The following MKRN1 variants were observed in gnomAD, a reference collection of about 807,000 sequenced individuals.
MKRN1 encodes the protein E3 ubiquitin-protein ligase makorin-1.
In MKRN1, 9 loss-of-function variants were observed where a neutral mutation model predicts 55.5. That is an observed-to-expected ratio of 0.16 (90% CI 0.10 to 0.28). The LOEUF (loss-of-function observed/expected upper bound fraction) is 0.28, where lower values mean the gene tolerates loss of function less well. Among genes scored for constraint, MKRN1 ranks in the 10% least tolerant of loss-of-function variants. MKRN1 has a pLI of 1.00. For synonymous variants in MKRN1, 253 were observed against 235.9 expected, an observed-to-expected ratio of 1.07 and a Z score of -0.66; for missense variants, 488 against 626.7, an observed-to-expected ratio of 0.78 and a Z score of 2.36.
intron 1 of MKRN1, chr7:140,473,294 A>G (rs989828664): frequency 2.2e-6 from 1 of 452,632 alleles, no homozygotes; most frequent in Admixed American, 2.4e-5. Flanking sequence ...ATTATTTCTG[A>G]AGTTCCTTCC....
At chr7:140,469,361 T>C (rs902279581) in intron 2 of MKRN1, among the ~76,000 whole-genome samples, 5 of 151,652 alleles carry the variant, frequency 3.3e-5, no homozygotes, top group African/African-American at 1.2e-4. Flanking sequence ...CTGTCAAAAG[T>C]CTTACCGAGG....
chr7:140,462,548 G>A (rs1165042381), intron 2 of MKRN1, among the ~76,000 whole-genome samples: 1 of 152,132 alleles, frequency 6.6e-6, no homozygotes, highest in Non-Finnish European at 1.5e-5. Context: ...TTTAATCATT[G>A]TTATTATTAC....
At chr7:140,458,335 G>T (rs1794524553) in intron 4 of MKRN1, among the ~76,000 whole-genome samples, 1 of 152,156 alleles carries the variant, frequency 6.6e-6, no homozygotes, top group Admixed American at 6.6e-5. Context: ...TCAAAACTAA[G>T]AACGGCTACA....
At chr7:140,474,369 G>C in intron 1 of MKRN1, 1 of 262,064 alleles carries the variant, frequency 3.8e-6, no homozygotes, top group Non-Finnish European at 8.0e-6. Flanking sequence ...AGCCAGGCAT[G>C]GTGGCACACA....
At chr7:140,464,886 G>A (rs1205165182) in intron 2 of MKRN1, among the ~76,000 whole-genome samples, 1 of 152,076 alleles carries the variant, frequency 6.6e-6, no homozygotes, top group African/African-American at 2.4e-5. Context: ...ACCTCCCTGG[G>A]CTCAGGTGAT....
intron 2 of MKRN1, among the ~76,000 whole-genome samples, chr7:140,466,412 C>T (rs962215810): frequency 8.5e-5 from 13 of 152,170 alleles, no homozygotes; most frequent in Non-Finnish European, 1.6e-4. Context: ...CACCTATGAT[C>T]CCAGCATATT....
chr7:140,456,481 A>C, intron 5 of MKRN1, 171 bp downstream of exon 5: 2 of 1,434,344 alleles, frequency 1.4e-6, no homozygotes, highest in Non-Finnish European at 1.8e-6. Flanking sequence ...AGATAGACCA[A>C]CTAACCTAGA....
chr7:140,476,870 G>A (rs1249796475), intron 1 of MKRN1, among the ~76,000 whole-genome samples: 2 of 152,010 alleles, frequency 1.3e-5, no homozygotes, highest in Admixed American at 6.6e-5. Context: ...ACCTGAGGTC[G>A]GGAGTTCAAG....
chr7:140,455,369 T>C, intron 6 of MKRN1, 136 bp from the exon 7 acceptor site: 1 of 1,097,650 alleles, frequency 9.1e-7, no homozygotes, highest in East Asian at 2.4e-5. Flanking sequence ...TGTGTTCTTA[T>C]AAACATGTGT....
At chr7:140,460,246 C>CAAAAAAAAAAAAAAA (rs58698651) in intron 2 of MKRN1, 31 of 76,786 alleles carry the variant, frequency 4.0e-4, no homozygotes, top group African/African-American at 1.2e-3. Flanking sequence ...GACTCCGTCT[C>CAAAAAAAAAAAAAAA]AAAAAAAAAA....
At chr7:140,466,263 A>C (rs1319407297) in intron 2 of MKRN1, among the ~76,000 whole-genome samples, 2 of 152,194 alleles carry the variant, frequency 1.3e-5, no homozygotes, top group African/African-American at 4.8e-5. Context: ...AGACTACTAT[A>C]GTTTCTCTAC....
At chr7:140,469,251 G>A (rs908631952) in intron 2 of MKRN1, among the ~76,000 whole-genome samples, 15 of 151,922 alleles carry the variant, frequency 9.9e-5, no homozygotes, top group Admixed American at 2.0e-4. Context: ...GCGTGAACCC[G>A]GGAGGCGGAG....
chr7:140,476,060 C>T (rs1335835020), intron 1 of MKRN1, among the ~76,000 whole-genome samples: 1 of 152,140 alleles, frequency 6.6e-6, no homozygotes, highest in Non-Finnish European at 1.5e-5. Flanking sequence ...CAATTAAAAA[C>T]ATTCTAATCA....
intron 4 of MKRN1, 136 bp from the exon 5 acceptor site, chr7:140,457,002 A>C (rs1794483866): frequency 1.1e-6 from 1 of 898,584 alleles, no homozygotes; most frequent in Non-Finnish European, 1.6e-6. Flanking sequence ...CACGAAAATT[A>C]GCTTTGCTGA....
intron 2 of MKRN1, among the ~76,000 whole-genome samples, chr7:140,466,489 A>AC (rs573344072): frequency 2.2e-4 from 33 of 151,926 alleles, no homozygotes; most frequent in Non-Finnish European, 4.4e-4. Context: ...AGATAGGGAG[A>AC]CCCCGTCTCT....
At chr7:140,457,423 T>C (rs914576267) in intron 4 of MKRN1, among the ~76,000 whole-genome samples, 3 of 152,168 alleles carry the variant, frequency 2.0e-5, no homozygotes, top group South Asian at 2.1e-4. Flanking sequence ...GTGGACATCA[T>C]ATTTTAACTT....
chr7:140,466,661 G>A (rs571637281), intron 2 of MKRN1, among the ~76,000 whole-genome samples: 20 of 151,950 alleles, frequency 1.3e-4, no homozygotes, highest in East Asian at 9.7e-4. Context: ...AAAATTAGCC[G>A]GGCGCGGTGG....
In MKRN1 at chr7:140,472,277, A is replaced by T. The variant is rs965280097; in HGVS notation, c.186-266T>A. 73 of 382,028 alleles carry T rather than the reference A, an allele frequency of 1.9e-4. 2 individuals are homozygous for T. Among genetic ancestry groups the T allele is most frequent in the South Asian group, 1.4e-3 (54 of 39,880 alleles). The allele number at this position is 382,028 out of a possible 1,614,324, so 23.7% of individuals were successfully genotyped here. Reference sequence around the variant, plus strand: ...TGGTGAAACCCCGTCTCTACTAAAAATACAAAAATTGGCTGGTGTGGTGGC... The same window carrying T: ...TGGTGAAACCCCGTCTCTACTAAAATTACAAAAATTGGCTGGTGTGGTGGC... On this transcript the variant is annotated intron_variant, in intron 1 of 7. Coordinates refer to ENST00000255977, the MANE Select transcript of MKRN1 (RefSeq NM_013446.4).
At chr7:140,473,829 TAA>T (rs1490289820) in intron 1 of MKRN1, 1 of 150,060 alleles carries the variant, frequency 6.7e-6, no homozygotes, top group African/African-American at 2.5e-5. Flanking sequence ...CGGTACCTAC[TAA>T]AAATACAAAA....
Sources: gnomAD v4.1 joint callset for allele counts (sites outside exome capture counted in the v4.1 genomes callset) on GRCh38, gnomAD v4.1.1 for gene constraint, MANE v1.5 for transcripts, NCBI Gene and HGNC (gene_info 2026-07-23, HGNC 2026-07-21) for gene names.